POLN: variants seen among roughly 807,000 people sequenced by gnomAD.
POLN encodes DNA polymerase nu.
A neutral mutation model predicts 113.5 loss-of-function variants in POLN; 108 were observed. That is an observed-to-expected ratio of 0.95 (90% confidence interval 0.81 to 1.12). POLN has a LOEUF of 1.12. Ranked by LOEUF, POLN falls within the 50% of genes most tolerant of loss-of-function variation. The pLI is 0.00. For missense variants in POLN, 1,097 were observed against 1,077.1 expected, an observed-to-expected ratio of 1.02 and a Z score of -0.26; for synonymous variants, 386 against 391.5, an observed-to-expected ratio of 0.99 and a Z score of 0.17.
At chr4:2,174,601 T>C in intron 10 of POLN, 90 bp downstream of exon 10, 2 of 1,107,626 alleles carry the variant, frequency 1.8e-6, no homozygotes, top group Non-Finnish European at 2.7e-6. Context: ...TACTATCTAC[T>C]CCTAAGTAAG....
chr4:2,080,938 G>A lies in POLN; in HGVS notation c.2387+20C>T, dbSNP rs966338906. 2 of 1,613,806 alleles carry A rather than the reference G, an allele frequency of 1.2e-6. No individual in the cohort carries two copies. Among genetic ancestry groups the A allele is most frequent in the South Asian group, 1.1e-5 (1 of 91,086 alleles). On this transcript the variant is annotated intron_variant, in intron 23 of 25. Transcript: ENST00000511885. The stretch of plus-strand genomic sequence containing the variant: ...TACTAACCCTCCCATCCAAGCCCTG[G>A]GAGACCACCACCCACTGACCTGGCC...
At chr4:2,082,146 G>A (rs1730437024) in intron 21 of POLN, among the ~76,000 whole-genome samples, 1 of 151,906 alleles carries the variant, frequency 6.6e-6, no homozygotes. Flanking sequence ...AGTAGAGATG[G>A]GGTTCCACCA....
chr4:2,130,608 C>T (rs1252857669), intron 17 of POLN, among the ~76,000 whole-genome samples: 4 of 152,080 alleles, frequency 2.6e-5, no homozygotes, highest in Non-Finnish European at 5.9e-5. Context: ...TAAACATTTC[C>T]AGTAATGTTC....
At chr4:2,197,851 T>C (rs975988512) in intron 6 of POLN, among the ~76,000 whole-genome samples, 4 of 152,208 alleles carry the variant, frequency 2.6e-5, no homozygotes, top group South Asian at 2.1e-4. Context: ...GGGTGGCTAA[T>C]TGGCCTTAAA....
At chr4:2,202,143 A>G (rs990806599) in intron 5 of POLN, among the ~76,000 whole-genome samples, 1 of 152,174 alleles carries the variant, frequency 6.6e-6, no homozygotes, top group Admixed American at 6.5e-5. Context: ...CAAAAAAAAC[A>G]ACGTATACCA....
At chr4:2,159,125 T>C (rs371687299) in intron 14 of POLN, 30 bp downstream of exon 14, 97 of 1,531,796 alleles carry the variant, frequency 6.3e-5, no homozygotes, top group Non-Finnish European at 8.5e-5. Context: ...CATCACCTTT[T>C]ACCTTTTACG....
chr4:2,174,034 C>A lies in POLN; in HGVS notation c.1310-15G>T. 1 of 1,613,238 alleles carries A rather than the reference C, an allele frequency of 6.2e-7. No homozygotes were observed. The highest frequency in any genetic ancestry group is 8.5e-7 in the Non-Finnish European group (1 of 1,179,266). The stretch of plus-strand genomic sequence containing the variant: ...GCTTTCCATCACTGTGATTCGAAAC[C>A]CAAACCAGATCATATTTGCATTAAT... On this transcript the variant is annotated splice_polypyrimidine_tract_variant and intron_variant, in intron 10 of 25. Transcript: ENST00000511885.
intron 19 of POLN, among the ~76,000 whole-genome samples, chr4:2,104,359 C>T (rs945346509): frequency 3.9e-5 from 6 of 152,126 alleles, no homozygotes; most frequent in East Asian, 1.9e-4. Context: ...ATATCATGTA[C>T]GAGTTTTTGT....
At chr4:2,141,625 C>T (rs947370696) in intron 16 of POLN, among the ~76,000 whole-genome samples, 5 of 152,178 alleles carry the variant, frequency 3.3e-5, no homozygotes, top group South Asian at 2.1e-4. Flanking sequence ...CTGGCTCTGG[C>T]GACACTGTTA....
chr4:2,241,642 C>T lies in POLN; in HGVS notation c.-135G>A. The stretch of plus-strand genomic sequence containing the variant: ...GTGCTTCGGGCCGGCCTTCAGCCAG[C>T]GCTGAGGCAGCCCCGACGCCAGGGC... On this transcript the variant is annotated 5_prime_UTR_variant, in exon 2 of 26. Transcript: ENST00000511885. 1.0e-6 allele frequency: 1 copy of T among 985,474 alleles called. No homozygotes were observed. The highest frequency in any genetic ancestry group is 1.2e-6 in the Non-Finnish European group (1 of 829,950). The allele number at this position is 985,474 out of a possible 1,614,324, so 61.0% of individuals were successfully genotyped here.
At chr4:2,110,133 A>G (rs1475706126) in intron 19 of POLN, among the ~76,000 whole-genome samples, 1 of 152,244 alleles carries the variant, frequency 6.6e-6, no homozygotes, top group Non-Finnish European at 1.5e-5. Flanking sequence ...CTGCTCCTGA[A>G]TGACTCCTGG....
intron 16 of POLN, among the ~76,000 whole-genome samples, chr4:2,142,761 C>T (rs563161820): frequency 1.3e-5 from 2 of 152,214 alleles, no homozygotes; most frequent in South Asian, 4.1e-4. Flanking sequence ...GAAAGAAAAC[C>T]TTTAGACAAT....
chr4:2,089,728 T>G (rs1730623223), intron 20 of POLN: 2 of 675,410 alleles, frequency 3.0e-6, no homozygotes, highest in Non-Finnish European at 5.1e-6. Context: ...TGAAGAATTA[T>G]TCAGTGTTGT....
intron 2 of POLN, chr4:2,231,777 G>A (rs1379814962): frequency 3.7e-6 from 2 of 541,044 alleles, no homozygotes; most frequent in Non-Finnish European, 6.6e-6. Context: ...TGTACTACAT[G>A]AGAAAAAAGA....
At chr4:2,107,720 C>T (rs1232734023) in intron 19 of POLN, among the ~76,000 whole-genome samples, 1 of 152,168 alleles carries the variant, frequency 6.6e-6, no homozygotes, top group East Asian at 1.9e-4. Flanking sequence ...AGGACTGCTG[C>T]CTGCAGGTAC....
intron 7 of POLN, among the ~76,000 whole-genome samples, chr4:2,192,639 T>C (rs1049103149): frequency 6.6e-6 from 1 of 151,568 alleles, no homozygotes; most frequent in African/African-American, 2.4e-5. Context: ...TGCCCGGCCA[T>C]GTCCATCCAG....
In POLN at chr4:2,095,902, CGT is replaced by C. The variant is rs745491763; in HGVS notation, c.2012_2013del (p.His671ArgfsTer81). On this transcript the variant is annotated frameshift_variant, in exon 20 of 26. Coordinates refer to ENST00000511885, the MANE Select transcript of POLN (RefSeq NM_181808.4). LOFTEE classifies it high-confidence loss of function. ...ACCTTCTTGGTTTGCTCTCTGTCTG[CGT>C]GTGTCACCTGTTCCACGGGCACATC... ...WKDVPVEQVT[H>X]ADREQTKKVV... The C allele has an allele frequency of 6.8e-6, 11 of 1,614,162 alleles. No individual in the cohort carries two copies. Among genetic ancestry groups the C allele is most frequent in the Non-Finnish European group, 9.3e-6 (11 of 1,180,030 alleles).
rs1730817822 is a variant in POLN at position 2,097,281 on chromosome 4, T to C, written c.1983-1348A>G. Among the ~76,000 whole-genome samples the C allele has an allele frequency of 2.0e-5, 3 of 151,832 alleles. No individual in the cohort carries two copies. The South Asian group carries it at 6.2e-4, about 32-fold the overall frequency. ...CAGAAGCAGGGACCAGGTCCCATGC[T>C]AGGAACATGCTGCTGCCTTCAAGAT... On this transcript the variant is annotated intron_variant, in intron 19 of 25. Transcript: ENST00000511885.
intron 16 of POLN, among the ~76,000 whole-genome samples, chr4:2,143,112 T>C (rs1367501297): frequency 2.6e-5 from 4 of 151,690 alleles, no homozygotes; most frequent in Middle Eastern, 3.4e-3. Context: ...GCACTAAAAA[T>C]GCATACATGA....
Sources: allele counts gnomAD v4.1 joint callset (sites outside exome capture counted in the v4.1 genomes callset), GRCh38; gene constraint gnomAD v4.1.1; transcripts MANE v1.5; gene names NCBI Gene and HGNC (gene_info 2026-07-23, HGNC 2026-07-21).